CLCN5: variants seen among roughly 807,000 people sequenced by gnomAD.
The protein encoded by CLCN5 is H(+)/Cl(-) exchange transporter 5.
A neutral mutation model predicts 54.0 loss-of-function variants in CLCN5; 17 were observed. That is an observed-to-expected ratio of 0.31 (90% CI 0.22 to 0.47). The LOEUF is 0.47. Among genes scored for constraint, CLCN5 ranks in the 20% least tolerant of loss-of-function variants. The pLI is 1.00. For synonymous variants in CLCN5, 222 were observed against 233.0 expected, an observed-to-expected ratio of 0.95 and a Z score of 0.43; for missense variants, 448 against 646.7, an observed-to-expected ratio of 0.69 and a Z score of 3.33.
chrX:50,051,730 A>G (rs1932594628), intron 4 of CLCN5, among the ~76,000 whole-genome samples: 1 of 111,717 alleles, frequency 9.0e-6, no homozygotes, highest in African/African-American at 3.3e-5. Flanking sequence ...ATATTTTCTT[A>G]GATTTCGACC....
At chrX:50,032,645 G>A (rs1486526797) in intron 3 of CLCN5, among the ~76,000 whole-genome samples, 8 of 108,229 alleles carry the variant, frequency 7.4e-5, no homozygotes, top group Non-Finnish European at 1.1e-4. Flanking sequence ...AGTAGGTTGC[G>A]AAAATTTTCT....
chrX:50,017,679 A>AT (rs1930853984), intron 3 of CLCN5, among the ~76,000 whole-genome samples: 1 of 99,359 alleles, frequency 1.0e-5, no homozygotes, highest in Admixed American at 1.0e-4. Flanking sequence ...CTACCTCTAG[A>AT]TTCATTTTTT....
chrX:50,040,641 A>T (rs781954988), intron 3 of CLCN5, among the ~76,000 whole-genome samples: 2 of 112,198 alleles, frequency 1.8e-5, no homozygotes, highest in Non-Finnish European at 3.8e-5. Flanking sequence ...CAAAGTAATT[A>T]GCATATCCAT....
intron 4 of CLCN5, among the ~76,000 whole-genome samples, chrX:50,047,556 CACTT>C (rs782569323): frequency 2.0e-4 from 22 of 111,121 alleles, no homozygotes; most frequent in South Asian, 3.9e-4. Context: ...ATTTTTCCCC[CACTT>C]ACTTTTTTTT....
chrX:49,928,946 A>G (rs1557168458), intron 3 of CLCN5, among the ~76,000 whole-genome samples: 2 of 111,899 alleles, frequency 1.8e-5, no homozygotes, highest in African/African-American at 6.5e-5. Flanking sequence ...ACAAACATCT[A>G]GCTCAATTCC....
chrX:50,002,581 T>A (rs2147379565), intron 3 of CLCN5, among the ~76,000 whole-genome samples: 1 of 111,329 alleles, frequency 9.0e-6, no homozygotes, highest in Non-Finnish European at 1.9e-5. Flanking sequence ...TCCACACTAA[T>A]CCAGCTTTTC....
chrX:50,033,184 A>T (rs1352197682), intron 3 of CLCN5, among the ~76,000 whole-genome samples: 3 of 111,029 alleles, frequency 2.7e-5, no homozygotes, highest in African/African-American at 9.8e-5. Context: ...TAGGCAGGAG[A>T]AGGAAATAAA....
chrX:49,926,188 A>G (rs1925331352), intron 3 of CLCN5, among the ~76,000 whole-genome samples: 1 of 112,321 alleles, frequency 8.9e-6, no homozygotes, highest in African/African-American at 3.2e-5. Flanking sequence ...GTTGGTTGTG[A>G]CTTTATGTAG....
At chrX:49,936,183 A>C (rs1468004716) in intron 3 of CLCN5, among the ~76,000 whole-genome samples, 7 of 111,657 alleles carry the variant, frequency 6.3e-5, no homozygotes, top group African/African-American at 2.3e-4. Flanking sequence ...CCCCAACCCC[A>C]TTCTCTGTTA....
At chrX:49,941,607 C>T (rs1252314245) in intron 3 of CLCN5, among the ~76,000 whole-genome samples, 2 of 110,781 alleles carry the variant, frequency 1.8e-5, no homozygotes, top group East Asian at 5.7e-4. Flanking sequence ...CTGTGATCAC[C>T]AGCAAAGATA....
At chrX:50,056,427 T>G (rs1319017911) in intron 4 of CLCN5, among the ~76,000 whole-genome samples, 1 of 111,517 alleles carries the variant, frequency 9.0e-6, no homozygotes, top group Non-Finnish European at 1.9e-5. Context: ...AAGGAAGGAA[T>G]GAAGAACAAG....
At position 49,977,223 on chromosome X, in the gene CLCN5, G is replaced by A. The variant is rs189119455; in HGVS notation, c.16+51909G>A. 4.1e-3 allele frequency among the ~76,000 whole-genome samples: 451 copies of A among 110,516 alleles called. 7 individuals are homozygous for A. Among genetic ancestry groups the A allele is most frequent in the African/African-American group, 0.014 (425 of 30,399 alleles). On this transcript the variant is annotated intron_variant, in intron 3 of 14. Coordinates refer to ENST00000376091, the MANE Select transcript of CLCN5 (RefSeq NM_001127898.4). ...TGAGGGAGGGGGAATTGAAACAGGC[G>A]CTGAGGTTAGGGATTTGTTTCCCTT...
At chrX:50,088,502 C>T (rs782118772) in intron 11 of CLCN5, 196 bp from the exon 12 acceptor site, 115 of 448,407 alleles carry the variant, frequency 2.6e-4, no homozygotes, top group Non-Finnish European at 3.0e-4. Context: ...TCTTTGCAGT[C>T]GTCCTTGCCT....
chrX:50,084,197 C>T (rs1250601462), intron 9 of CLCN5, among the ~76,000 whole-genome samples: 2 of 111,416 alleles, frequency 1.8e-5, no homozygotes, highest in African/African-American at 6.5e-5. Flanking sequence ...GTACAGCATG[C>T]GACTATACTG....
Position 50,086,652 on chromosome X carries a change from A to G in CLCN5, c.1339A>G (p.Thr447Ala). The change falls in exon 11 of 15, where the codon ACT becomes GCT. Residue 447 changes from threonine to alanine, a missense_variant. This residue lies in a region of CLCN5 where 297 missense variants were observed against 470.4 expected (regional missense o/e 0.63). Transcript: ENST00000376091. Reference sequence around the variant, plus strand: ...CATCCTGGCTTTCCCCAATGAATACACTCGGATGAGCACAAGTGAGCTCAT... The same window carrying G: ...CATCCTGGCTTTCCCCAATGAATACGCTCGGATGAGCACAAGTGAGCTCAT... ...TAILAFPNEY[T>A]RMSTSELISE... 1 of 1,210,128 alleles carries G rather than the reference A, an allele frequency of 8.3e-7. No homozygotes were observed. The highest frequency in any genetic ancestry group is 1.1e-6 in the Non-Finnish European group (1 of 895,017).
chrX:49,954,855 T>C (rs180711690), intron 3 of CLCN5, among the ~76,000 whole-genome samples: 2 of 112,173 alleles, frequency 1.8e-5, no homozygotes, highest in Admixed American at 1.9e-4. Flanking sequence ...GCATTTCCTT[T>C]GGGATAAGAT....
intron 3 of CLCN5, chrX:49,945,340 C>T (rs1401021602): frequency 8.9e-6 from 1 of 111,948 alleles, no homozygotes. Context: ...GTCCCTTTCT[C>T]TTCTAATTTT....
At chrX:50,039,717 G>A (rs1557186908) in intron 3 of CLCN5, among the ~76,000 whole-genome samples, 1 of 109,969 alleles carries the variant, frequency 9.1e-6, no homozygotes, top group Non-Finnish European at 1.9e-5. Context: ...TTTTGAGATG[G>A]AGTCTTGCTC....
intron 3 of CLCN5, among the ~76,000 whole-genome samples, chrX:49,934,724 G>T (rs782081088): frequency 4.5e-5 from 5 of 111,825 alleles, no homozygotes; most frequent in Non-Finnish European, 7.5e-5. Flanking sequence ...AAATGAAATC[G>T]ATATTACTAG....
Sources: allele counts gnomAD v4.1 joint callset (sites outside exome capture counted in the v4.1 genomes callset), GRCh38; gene constraint gnomAD v4.1.1; regional missense constraint gnomAD v4.1.1; transcripts MANE v1.5; gene names NCBI Gene and HGNC (gene_info 2026-07-23, HGNC 2026-07-21).